The following LYPLAL1 variants were observed in gnomAD, a reference collection of about 807,000 sequenced individuals.
LYPLAL1 encodes lysophospholipase like 1, also known as lysophospholipase-like protein 1.
LYPLAL1 carries 23 observed loss-of-function variants against 19.7 expected under a neutral mutation model. The ratio of observed to expected loss-of-function variants is 1.17; its 90% CI spans 0.84 to 1.65. LYPLAL1 has a LOEUF of 1.65. Ranked by LOEUF, LYPLAL1 falls within the 40% of genes most tolerant of loss-of-function variation. The pLI is 0.00. For missense variants in LYPLAL1, 355 were observed against 279.4 expected (o/e 1.27, Z -1.93); for synonymous variants, 119 against 96.3 (o/e 1.24, Z -1.38).
the LYPLAL1 span, among the ~76,000 whole-genome samples, chr1:219,323,408 GA>G: frequency 6.6e-6 from 1 of 152,182 alleles, no homozygotes; most frequent in African/African-American, 2.4e-5. Context: ...GAGTTTGAAA[GA>G]GGTTAGGGAG....
At chr1:219,443,551 C>T in the LYPLAL1 span, among the ~76,000 whole-genome samples, 2 of 152,072 alleles carry the variant, frequency 1.3e-5, no homozygotes, top group Non-Finnish European at 2.9e-5. Context: ...TAAGTCCTTA[C>T]TTATCTTGGA....
At chr1:219,313,153 C>T in the LYPLAL1 span, among the ~76,000 whole-genome samples, 1 of 151,650 alleles carries the variant, frequency 6.6e-6, no homozygotes, top group Non-Finnish European at 1.5e-5. Context: ...GTGCTGTGAC[C>T]CTTGGGAAAT....
the LYPLAL1 span, among the ~76,000 whole-genome samples, chr1:219,360,997 C>A: frequency 6.6e-6 from 1 of 152,264 alleles, no homozygotes; most frequent in African/African-American, 2.4e-5. Context: ...GACTCTTTAA[C>A]ACTAAAATCC....
intron 3 of LYPLAL1, among the ~76,000 whole-genome samples, chr1:219,194,766 T>C (rs1657472604): frequency 6.6e-6 from 1 of 152,128 alleles, no homozygotes; most frequent in African/African-American, 2.4e-5. Flanking sequence ...CATTTGGGGC[T>C]GTAAGAGAAA....
chr1:219,421,630 A>G, the LYPLAL1 span, among the ~76,000 whole-genome samples: 1 of 152,182 alleles, frequency 6.6e-6, no homozygotes, highest in East Asian at 1.9e-4. Context: ...CCTCAAAGCC[A>G]TTGAAAAACA....
chr1:219,177,140 C>T (rs1011851874), intron 1 of LYPLAL1, among the ~76,000 whole-genome samples: 6 of 152,032 alleles, frequency 3.9e-5, no homozygotes, highest in Admixed American at 3.3e-4. Flanking sequence ...GCTTTAAAGC[C>T]AAGTCGGAGG....
the LYPLAL1 span, among the ~76,000 whole-genome samples, chr1:219,238,010 C>T: frequency 7.6e-3 from 1,154 of 152,046 alleles, 4 homozygotes; most frequent in South Asian, 0.023. Flanking sequence ...TTAGACTTTG[C>T]AATTATTGCA....
chr1:219,256,121 A>G, the LYPLAL1 span, among the ~76,000 whole-genome samples: 39,952 of 151,708 alleles, frequency 0.26, 5,412 homozygotes, highest in Non-Finnish European at 0.31. Flanking sequence ...TTCCTCTACT[A>G]TAGAAGAGTT....
chr1:219,358,040 G>T, the LYPLAL1 span, among the ~76,000 whole-genome samples: 6 of 152,220 alleles, frequency 3.9e-5, no homozygotes, highest in African/African-American at 1.4e-4. Flanking sequence ...AGACATTTTG[G>T]GGTGGTGGAA....
the LYPLAL1 span, among the ~76,000 whole-genome samples, chr1:219,277,968 C>T: frequency 6.6e-6 from 1 of 152,190 alleles, no homozygotes; most frequent in Admixed American, 6.5e-5. Context: ...TGAGGGAATA[C>T]AGAAAGATGG....
At chr1:219,436,372 T>C in the LYPLAL1 span, among the ~76,000 whole-genome samples, 2 of 152,226 alleles carry the variant, frequency 1.3e-5, no homozygotes, top group Non-Finnish European at 2.9e-5. Flanking sequence ...GAAATAAATA[T>C]ATTAATATGA....
At chr1:219,304,524 T>C in the LYPLAL1 span, among the ~76,000 whole-genome samples, 1 of 152,206 alleles carries the variant, frequency 6.6e-6, no homozygotes, top group African/African-American at 2.4e-5. Context: ...GACTCTTAGA[T>C]TACTTAGAGC....
chr1:219,363,504 A>G, the LYPLAL1 span, among the ~76,000 whole-genome samples: 36 of 152,278 alleles, frequency 2.4e-4, no homozygotes, highest in African/African-American at 8.7e-4. Context: ...AAAATTATCT[A>G]TGTAGCTTAC....
the LYPLAL1 span, among the ~76,000 whole-genome samples, chr1:219,325,665 A>C: frequency 0.35 from 52,731 of 151,948 alleles, 10,022 homozygotes; most frequent in East Asian, 0.81. Context: ...TCATCACTTC[A>C]CTTCTCACCT....
chr1:219,369,596 T>A, the LYPLAL1 span, among the ~76,000 whole-genome samples: 1 of 152,214 alleles, frequency 6.6e-6, no homozygotes, highest in Non-Finnish European at 1.5e-5. Flanking sequence ...TTTTAAGCCT[T>A]GTACGTGAAT....
At chr1:219,411,514 CA>C in the LYPLAL1 span, among the ~76,000 whole-genome samples, 1 of 152,068 alleles carries the variant, frequency 6.6e-6, no homozygotes, top group Admixed American at 6.6e-5. Flanking sequence ...AGCGCCCTGA[CA>C]AAACAGGCCA....
the LYPLAL1 span, among the ~76,000 whole-genome samples, chr1:219,370,742 G>C: frequency 1.3e-5 from 2 of 152,152 alleles, no homozygotes; most frequent in Non-Finnish European, 1.5e-5. Flanking sequence ...TAGCTATATG[G>C]AGTTCAGAAA....
At chr1:219,438,616 C>T in the LYPLAL1 span, among the ~76,000 whole-genome samples, 1,953 of 152,242 alleles carry the variant, frequency 0.013, 37 homozygotes, top group African/African-American at 0.044. Context: ...GATTCCCACA[C>T]AACAATTATA....
the LYPLAL1 span, among the ~76,000 whole-genome samples, chr1:219,264,000 A>C: frequency 6.6e-6 from 1 of 152,190 alleles, no homozygotes. Context: ...GAGTCTTCAC[A>C]TGCTGTCCTG....
Sources: allele counts gnomAD v4.1 joint callset (sites outside exome capture counted in the v4.1 genomes callset), GRCh38; gene constraint gnomAD v4.1.1; transcripts MANE v1.5; gene names NCBI Gene and HGNC (gene_info 2026-07-23, HGNC 2026-07-21).